SLCO1A2: variants seen among roughly 807,000 people sequenced by gnomAD.
SLCO1A2 encodes solute carrier organic anion transporter family member 1A2.
A neutral mutation model predicts 69.0 loss-of-function variants in SLCO1A2; 67 were observed. The observed-to-expected ratio is 0.97, with a 90% CI of 0.80 to 1.19. SLCO1A2 has a LOEUF of 1.19. Ranked by LOEUF, SLCO1A2 falls within the 50% of genes most tolerant of loss-of-function variation. SLCO1A2 has a pLI of 0.00. For synonymous variants in SLCO1A2, 260 were observed against 265.9 expected (o/e 0.98, Z 0.22); for missense variants, 787 against 793.7 (o/e 0.99, Z 0.10).
intron 8 of SLCO1A2, among the ~76,000 whole-genome samples, chr12:21,298,467 T>G (rs1360069842): frequency 6.6e-6 from 1 of 152,198 alleles, no homozygotes; most frequent in African/African-American, 2.4e-5. Flanking sequence ...TTGACTTTCT[T>G]ATGCACAATC....
At chr12:21,377,994 A>G (rs1337858053) in intron 1 of SLCO1A2, among the ~76,000 whole-genome samples, 1 of 152,312 alleles carries the variant, frequency 6.6e-6, no homozygotes, top group East Asian at 1.9e-4. Flanking sequence ...TTTCCAAAGG[A>G]AGACTTTTAA....
chr12:21,316,737 T>A (rs1007750268), intron 3 of SLCO1A2, among the ~76,000 whole-genome samples: 2 of 152,238 alleles, frequency 1.3e-5, no homozygotes, highest in Non-Finnish European at 2.9e-5. Flanking sequence ...CTATATCCTC[T>A]CCCTGAATAA....
At chr12:21,365,220 T>A (rs527903872) in intron 2 of SLCO1A2, among the ~76,000 whole-genome samples, 64 of 152,120 alleles carry the variant, frequency 4.2e-4, no homozygotes, top group Non-Finnish European at 7.4e-4. Context: ...TGGAACAGAA[T>A]AGAGCCCTCA....
intron 12 of SLCO1A2, among the ~76,000 whole-genome samples, chr12:21,288,643 T>C (rs10841784): frequency 0.27 from 41,594 of 151,912 alleles, 6,041 homozygotes; most frequent in African/African-American, 0.34. Flanking sequence ...TACTCGTACA[T>C]TTTAAAATAA....
upstream of SLCO1A2, among the ~76,000 whole-genome samples, chr12:21,399,898 C>T (rs1314867194): frequency 5.4e-5 from 8 of 148,286 alleles, no homozygotes; most frequent in South Asian, 2.2e-4. Flanking sequence ...AAGACTTAAA[C>T]GTTAGACCTA....
chr12:21,338,526 T>A (rs946049350), upstream of SLCO1A2, among the ~76,000 whole-genome samples: 7 of 151,832 alleles, frequency 4.6e-5, no homozygotes, highest in African/African-American at 1.7e-4. Flanking sequence ...AAAATCTCCA[T>A]CTGTCCAAGC....
chr12:21,395,812 C>A (rs979312692), upstream of SLCO1A2, among the ~76,000 whole-genome samples: 2 of 152,124 alleles, frequency 1.3e-5, no homozygotes, highest in African/African-American at 4.8e-5. Context: ...AGCTGAGGGT[C>A]CTCTCTGTTG....
At chr12:21,383,460 T>C (rs1305537567) in intron 1 of SLCO1A2, among the ~76,000 whole-genome samples, 2 of 152,158 alleles carry the variant, frequency 1.3e-5, no homozygotes, top group Non-Finnish European at 2.9e-5. Context: ...CACACTCACC[T>C]GCCTCCACGT....
In SLCO1A2 at chr12:21,301,233, A is replaced by G. The variant is rs373659821; in HGVS notation, c.626T>C (p.Ile209Thr). The change falls in exon 7 of 15, where the codon ATT becomes ACT. Residue 209 changes from isoleucine to threonine, a missense_variant. By Grantham distance (89) the Ile-to-Thr change is moderately conservative. Coordinates refer to ENST00000683939, the MANE Select transcript of SLCO1A2 (RefSeq NM_001386879.1). Reference protein sequence around the residue: ...VETGAIIGPLIGLLLASFCAN... With the variant: ...VETGAIIGPLTGLLLASFCAN... ...ACAGAATGATGCCAACAAAAGTCCA[A>G]TCAAAGGACCAATAATAGCTCCTGT... 2.5e-6 allele frequency: 4 copies of G among 1,612,716 alleles called. No individual in the cohort carries two copies. Among genetic ancestry groups the G allele is most frequent in the Non-Finnish European group, 3.4e-6 (4 of 1,179,446 alleles).
intron 2 of SLCO1A2, chr12:21,324,541 C>T (rs1396313865): frequency 6.6e-6 from 1 of 152,126 alleles, no homozygotes; most frequent in Non-Finnish European, 1.5e-5. Context: ...AAACAAAAGA[C>T]TCTTACTAAA....
intron 6 of SLCO1A2, among the ~76,000 whole-genome samples, chr12:21,302,284 C>CT (rs920888149): frequency 7.9e-5 from 12 of 152,140 alleles, no homozygotes; most frequent in Middle Eastern, 3.4e-3. Flanking sequence ...AATTTAGTGT[C>CT]TTTTTTTGGT....
chr12:21,372,586 TCCTTAC>T (rs1172640796), intron 2 of SLCO1A2, among the ~76,000 whole-genome samples: 1 of 152,214 alleles, frequency 6.6e-6, no homozygotes, highest in African/African-American at 2.4e-5. Flanking sequence ...TTTGTTGTTA[TCCTTAC>T]CCTTTTCTAT....
intron 4 of SLCO1A2, among the ~76,000 whole-genome samples, chr12:21,314,221 G>A (rs1048027164): frequency 6.6e-6 from 1 of 152,128 alleles, no homozygotes; most frequent in South Asian, 2.1e-4. Flanking sequence ...CAATTAAGCA[G>A]AATCTCATTA....
intron 12 of SLCO1A2, among the ~76,000 whole-genome samples, chr12:21,287,866 T>C (rs1591794883): frequency 2.0e-5 from 1 of 50,030 alleles, no homozygotes; most frequent in African/African-American, 8.8e-5. Context: ...TGTGGTGGGG[T>C]GGGGGGAGGG....
At chr12:21,315,670 A>G (rs1354720165) in intron 3 of SLCO1A2, among the ~76,000 whole-genome samples, 1 of 152,146 alleles carries the variant, frequency 6.6e-6, no homozygotes, top group Non-Finnish European at 1.5e-5. Flanking sequence ...CCATTTGTCC[A>G]TTATTTTATA....
intron 2 of SLCO1A2, chr12:21,373,471 A>T: frequency 7.4e-7 from 1 of 1,350,618 alleles, no homozygotes; most frequent in Non-Finnish European, 1.1e-6. Context: ...TAACTTTTGT[A>T]AAGTGTGAGA....
chr12:21,377,366 T>C (rs1009118157), intron 1 of SLCO1A2, among the ~76,000 whole-genome samples: 2 of 152,210 alleles, frequency 1.3e-5, no homozygotes, highest in Admixed American at 1.3e-4. Context: ...GACATACTTT[T>C]TATGACATTA....
At chr12:21,289,190 G>GTC (rs1946439567) in intron 12 of SLCO1A2, among the ~76,000 whole-genome samples, 1 of 141,940 alleles carries the variant, frequency 7.0e-6, no homozygotes, top group African/African-American at 3.0e-5. Context: ...CATTCTGTGT[G>GTC]TGTGTGTGTG....
In SLCO1A2 at chr12:21,296,448, G is replaced by T. The variant is rs192636959; in HGVS notation, c.1076-656C>A. Among the ~76,000 whole-genome samples, 862 of 152,162 alleles carry T rather than the reference G, an allele frequency of 5.7e-3. 1 individual carries two copies. Among genetic ancestry groups the T allele is most frequent in the Middle Eastern group, 0.014 (4 of 294 alleles). ...TGCAGAGACAAAGTCTTGCTATGTTGTCCAGGCTGGTCTTGAACTCCTGGC... is the reference window on the plus strand; with the variant it reads ...TGCAGAGACAAAGTCTTGCTATGTTTTCCAGGCTGGTCTTGAACTCCTGGC... On this transcript the variant is annotated intron_variant, in intron 9 of 14. Transcript: ENST00000683939.
Sources: gnomAD v4.1 joint callset for allele counts (sites outside exome capture counted in the v4.1 genomes callset) on GRCh38, gnomAD v4.1.1 for gene constraint, MANE v1.5 for transcripts, NCBI Gene and HGNC (gene_info 2026-07-23, HGNC 2026-07-21) for gene names.